The following PTPRG variants were observed in gnomAD, a reference collection of about 807,000 sequenced individuals.
PTPRG encodes the protein protein tyrosine phosphatase receptor type G.
A neutral mutation model predicts 165.3 loss-of-function variants in PTPRG; 102 were observed. The observed-to-expected ratio is 0.62, with a 90% confidence interval of 0.53 to 0.73. The LOEUF is 0.73. Ranked by LOEUF, PTPRG falls within the 30% of genes least tolerant of loss-of-function variation. PTPRG has a pLI of 0.00. For synonymous variants in PTPRG, 675 were observed against 669.5 expected, an observed-to-expected ratio of 1.01 and a Z score of -0.13; for missense variants, 1,866 against 1,861.4, an observed-to-expected ratio of 1.00 and a Z score of -0.05.
rs1342159175 is a variant in PTPRG at position 62,167,977 on chromosome 3, G to T, written c.847G>T (p.Ala283Ser). 36 of 1,612,602 alleles carry T rather than the reference G, an allele frequency of 2.2e-5. No individual in the cohort carries two copies. The highest frequency in any genetic ancestry group is 3.1e-5 in the Non-Finnish European group (36 of 1,179,220). ...TCTCTGGTCCTCTGTTCAGCTTGAG[G>T]CTTTTTATTCCATCTTCACCACGGA... ...PVPISYHQLE[A>S]FYSIFTTEQQ... Residue 283 changes from alanine to serine, a missense_variant, in exon 8 of 30, where the codon GCT becomes TCT. By Grantham distance (99) the Ala-to-Ser change is moderately conservative. This residue lies in a region of PTPRG where 408 missense variants were observed against 376.2 expected (regional missense o/e 1.08). Coordinates refer to ENST00000474889, the MANE Select transcript of PTPRG (RefSeq NM_002841.4).
intron 1 of PTPRG, among the ~76,000 whole-genome samples, chr3:61,639,687 G>A (rs1039932629): frequency 2.0e-5 from 3 of 152,008 alleles, no homozygotes; most frequent in Admixed American, 6.6e-5. Flanking sequence ...ATGTGATTGC[G>A]TTCTTGATTT....
At chr3:62,154,204 C>T (rs1416733700) in intron 6 of PTPRG, among the ~76,000 whole-genome samples, 1 of 152,168 alleles carries the variant, frequency 6.6e-6, no homozygotes, top group African/African-American at 2.4e-5. Flanking sequence ...ATCCTTTGGC[C>T]TCCAAAGCCA....
chr3:61,934,153 A>T (rs1229006841), intron 2 of PTPRG, among the ~76,000 whole-genome samples: 1 of 152,232 alleles, frequency 6.6e-6, no homozygotes, highest in African/African-American at 2.4e-5. Flanking sequence ...GAAAGGTGCC[A>T]GTCTTAAGCG....
chr3:62,098,109 A>G (rs189261609), intron 5 of PTPRG, among the ~76,000 whole-genome samples: 116 of 152,314 alleles, frequency 7.6e-4, no homozygotes, highest in Admixed American at 8.5e-4. Context: ...TTTAATATCA[A>G]TTTACTCTTC....
chr3:61,920,547 C>T (rs146666908), intron 2 of PTPRG, among the ~76,000 whole-genome samples: 1,621 of 152,272 alleles, frequency 0.011, 36 homozygotes, highest in South Asian at 0.093. Context: ...AGGCTTGCAC[C>T]ACCACCCCCA....
At chr3:61,974,857 G>C (rs2040466497) in intron 2 of PTPRG, among the ~76,000 whole-genome samples, 1 of 152,194 alleles carries the variant, frequency 6.6e-6, no homozygotes, top group Admixed American at 6.5e-5. Context: ...TTGTGGAGCA[G>C]CTGAACTCAG....
intron 4 of PTPRG, among the ~76,000 whole-genome samples, chr3:62,073,678 A>T (rs893586394): frequency 3.3e-5 from 5 of 152,132 alleles, no homozygotes; most frequent in Admixed American, 1.3e-4. Context: ...ACAGGGTTTC[A>T]CCATGTTGGC....
At chr3:62,266,594 T>C (rs112219803) in intron 17 of PTPRG, among the ~76,000 whole-genome samples, 47 of 151,992 alleles carry the variant, frequency 3.1e-4, no homozygotes, top group Non-Finnish European at 5.7e-4. Context: ...TCCAAAAACA[T>C]AGAGGGCTCT....
intron 2 of PTPRG, among the ~76,000 whole-genome samples, chr3:61,824,440 T>G (rs1389121421): frequency 6.6e-6 from 1 of 152,232 alleles, no homozygotes; most frequent in African/African-American, 2.4e-5. Context: ...AAACAAACTT[T>G]ACATCTAAGA....
intron 2 of PTPRG, among the ~76,000 whole-genome samples, chr3:61,882,445 A>C (rs1206582459): frequency 6.6e-6 from 1 of 152,176 alleles, no homozygotes. Flanking sequence ...CTCTTAATTA[A>C]ATTTGAAAGA....
intron 2 of PTPRG, among the ~76,000 whole-genome samples, chr3:61,924,330 C>G (rs1187745888): frequency 6.6e-6 from 1 of 152,228 alleles, no homozygotes; most frequent in East Asian, 1.9e-4. Context: ...TCCATCCTGC[C>G]TACCACCAGC....
intron 1 of PTPRG, among the ~76,000 whole-genome samples, chr3:61,602,016 A>G (rs899625902): frequency 4.6e-5 from 7 of 152,170 alleles, no homozygotes; most frequent in African/African-American, 1.4e-4. Flanking sequence ...TCCAGGATGA[A>G]GTGATTAGGA....
Position 62,203,476 on chromosome 3 carries a change from T to C in PTPRG, c.1681T>C (p.Ser561Pro). ...PVLATTEALASPGPDGDSSPT... is the reference protein window; with the variant it reads ...PVLATTEALAPPGPDGDSSPT... ...CCTAGCCACCACAGAGGCCTTGGCT[T>C]CTCCAGGGCCCGATGGTGATTCGTC... The change falls in exon 12 of 30, where the codon TCT (serine) becomes CCT (proline). Residue 561 changes from serine (S) to proline (P), a missense_variant. Physicochemically the swap from Ser to Pro is moderately conservative, Grantham distance 74. Around this residue, in one of 3 missense-constraint regions of PTPRG, gnomAD observed 1,452 missense variants for 1,463.0 expected, o/e 0.99. Coordinates refer to ENST00000474889, the MANE Select transcript of PTPRG (RefSeq NM_002841.4). This position sits in a 1 kb window ranked among gnomAD's most constrained non-coding sequence, Gnocchi z 6.4. 2 of 1,576,846 alleles carry C rather than the reference T, an allele frequency of 1.3e-6. No individual in the cohort carries two copies. The highest frequency in any genetic ancestry group is 2.4e-5 in the East Asian group (1 of 42,458).
intron 5 of PTPRG, among the ~76,000 whole-genome samples, chr3:62,117,182 T>C (rs1413045450): frequency 6.6e-6 from 1 of 152,190 alleles, no homozygotes; most frequent in Admixed American, 6.5e-5. Context: ...GGTTAAATTA[T>C]GTTTAAGGAG....
At chr3:61,814,537 T>C (rs1422494698) in intron 2 of PTPRG, among the ~76,000 whole-genome samples, 1 of 151,934 alleles carries the variant, frequency 6.6e-6, no homozygotes, top group Admixed American at 6.6e-5. Context: ...TGTTTTTTGT[T>C]TGTTTATACT....
intron 4 of PTPRG, among the ~76,000 whole-genome samples, chr3:62,064,606 A>G (rs1489496093): frequency 6.6e-6 from 1 of 151,982 alleles, no homozygotes; most frequent in Non-Finnish European, 1.5e-5. Context: ...TTGTCTTTGT[A>G]TATGCAGCAC....
chr3:62,025,452 GT>G (rs1182063730), intron 4 of PTPRG, among the ~76,000 whole-genome samples: 1 of 151,848 alleles, frequency 6.6e-6, no homozygotes, highest in African/African-American at 2.4e-5. Context: ...TTTTTCTTCA[GT>G]TTTTTTGATG....
At chr3:62,089,660 G>A (rs1004876217) in intron 5 of PTPRG, among the ~76,000 whole-genome samples, 1 of 152,186 alleles carries the variant, frequency 6.6e-6, no homozygotes, top group Non-Finnish European at 1.5e-5. Flanking sequence ...TCTGTTGGGA[G>A]CTATGAGCAT....
chr3:61,604,328 A>G (rs1426769919), intron 1 of PTPRG, among the ~76,000 whole-genome samples: 1 of 152,182 alleles, frequency 6.6e-6, no homozygotes, highest in Non-Finnish European at 1.5e-5. Flanking sequence ...CGTCTCAAAA[A>G]AATAAAATAA....
Sources: gnomAD v4.1 joint callset for allele counts (sites outside exome capture counted in the v4.1 genomes callset) on GRCh38, gnomAD v4.1.1 for gene constraint, gnomAD v4.1.1 regional missense constraint, Gnocchi (gnomAD v3.1) non-coding constraint, MANE v1.5 for transcripts, NCBI Gene and HGNC (gene_info 2026-07-23, HGNC 2026-07-21) for gene names.